Variants in PKD1L1 observed in about 807,000 individuals in gnomAD.
The protein encoded by PKD1L1 is polycystin-1-like protein 1.
Under a neutral mutation model 323.4 loss-of-function variants are expected in PKD1L1, and 236 were observed. That is an observed-to-expected ratio of 0.73 (90% CI 0.66 to 0.81). The LOEUF (loss-of-function observed/expected upper bound fraction) is 0.81. Among genes scored for constraint, PKD1L1 ranks in the 40% least tolerant of loss-of-function variants. The pLI is 0.00. For missense variants in PKD1L1, 3,320 were observed against 3,508.0 expected (o/e 0.95, Z 1.35); for synonymous variants, 1,344 against 1,335.0 (o/e 1.01, Z -0.15).
At chr7:47,808,190 T>G in intron 52 of PKD1L1, 57 bp downstream of exon 52, 1 of 1,586,718 alleles carries the variant, frequency 6.3e-7, no homozygotes, top group Non-Finnish European at 8.6e-7. Context: ...CCTCTGCCTT[T>G]TGGATGGCAT....
At position 47,885,862 on chromosome 7, in the gene PKD1L1, G is replaced by A. The variant is rs1291593643; in HGVS notation, c.3029C>T (p.Thr1010Ile). 3.1e-6 allele frequency: 5 copies of A among 1,614,110 alleles called. No individual in the cohort carries two copies. In the African/African-American group the frequency reaches 6.7e-5, roughly 22 times the overall value. ...CCAGTAGACTCCAGTCATGGGCTCT[G>A]TGGGGGTTCCCCTTGGAGCTGAAGT... ...PATSAPRGTP[T>I]EPMTGVYWIP... The change falls in exon 18 of 57, where the codon ACA becomes ATA. Residue 1010 changes from threonine (T) to isoleucine (I), a missense_variant. Physicochemically the swap from Thr to Ile is moderately conservative, Grantham distance 89. Transcript: ENST00000289672.
At chr7:47,823,535 C>A (rs1483055720) in intron 45 of PKD1L1, among the ~76,000 whole-genome samples, 1 of 152,176 alleles carries the variant, frequency 6.6e-6, no homozygotes, top group Non-Finnish European at 1.5e-5. Flanking sequence ...CTGTAAACTA[C>A]AAGTTGGCAA....
chr7:47,897,263 G>T (rs192372708), intron 14 of PKD1L1, among the ~76,000 whole-genome samples: 1 of 152,182 alleles, frequency 6.6e-6, no homozygotes, highest in Non-Finnish European at 1.5e-5. Context: ...ATAGGACTGC[G>T]TGCCCCACAG....
chr7:47,881,398 A>G (rs2128746819), intron 20 of PKD1L1, among the ~76,000 whole-genome samples: 1 of 152,324 alleles, frequency 6.6e-6, no homozygotes, highest in Admixed American at 6.5e-5. Context: ...GGGTGAAGGG[A>G]AAATTATCTA....
intron 3 of PKD1L1, among the ~76,000 whole-genome samples, chr7:47,939,717 T>C (rs1787943813): frequency 1.3e-5 from 2 of 152,334 alleles, no homozygotes; most frequent in South Asian, 4.1e-4. Flanking sequence ...TTCAGTGCTT[T>C]GGCTGCTGGA....
At chr7:47,900,655 G>C (rs537542471) in intron 13 of PKD1L1, among the ~76,000 whole-genome samples, 6 of 152,124 alleles carry the variant, frequency 3.9e-5, no homozygotes, top group African/African-American at 9.7e-5. Flanking sequence ...TTGAACCCAG[G>C]GGGTGGAGAC....
Position 47,946,367 on chromosome 7 carries a change from A to ACACACTCACACCACAC in PKD1L1, c.44+2014_44+2029dup. ...AATACCTACCACACAAACACACACC[A>ACACACTCACACCACAC]CACACTCACACCACACCACACTCAC... On this transcript the variant is annotated intron_variant, in intron 1 of 56. Transcript: ENST00000289672. The surrounding 1 kb of genome is among the most constrained non-coding windows in gnomAD (Gnocchi z 4.1). 6.6e-6 allele frequency among the ~76,000 whole-genome samples: 1 copy of ACACACTCACACCACAC among 151,258 alleles called. No individual in the cohort carries two copies. Among genetic ancestry groups the ACACACTCACACCACAC allele is most frequent in the African/African-American group, 2.4e-5 (1 of 41,006 alleles).
chr7:47,835,826 G>C (rs190933287), intron 37 of PKD1L1, among the ~76,000 whole-genome samples: 1 of 152,256 alleles, frequency 6.6e-6, no homozygotes, highest in East Asian at 1.9e-4. Flanking sequence ...TACCCCAGGA[G>C]TGAAAAAAAC....
intron 19 of PKD1L1, among the ~76,000 whole-genome samples, chr7:47,882,947 G>A (rs1029304702): frequency 7.2e-5 from 11 of 152,286 alleles, no homozygotes; most frequent in Middle Eastern, 3.4e-3. Context: ...AGAAGGAGTC[G>A]CTGCACTTCA....
intron 56 of PKD1L1, among the ~76,000 whole-genome samples, chr7:47,775,709 G>A (rs529070209): frequency 3.4e-4 from 51 of 151,782 alleles, no homozygotes; most frequent in African/African-American, 1.2e-3. Flanking sequence ...TAGCTCTTAT[G>A]TGAAAGACTA....
chr7:47,942,864 T>C (rs770862362), intron 2 of PKD1L1, among the ~76,000 whole-genome samples: 99 of 152,090 alleles, frequency 6.5e-4, no homozygotes, highest in Non-Finnish European at 1.2e-3. Context: ...TATACCATCC[T>C]GGCCAGGCGC....
intron 45 of PKD1L1, among the ~76,000 whole-genome samples, chr7:47,822,406 C>A (rs1055101238): frequency 3.4e-5 from 5 of 148,262 alleles, no homozygotes; most frequent in Non-Finnish European, 7.4e-5. Flanking sequence ...CTGGCTAACA[C>A]GGTGAAACCC....
chr7:47,815,280 T>C (rs1016013390), intron 47 of PKD1L1, 54 bp downstream of exon 47: 21 of 1,594,102 alleles, frequency 1.3e-5, no homozygotes, highest in Admixed American at 1.0e-4. Flanking sequence ...TTTCACCCAC[T>C]GCAAGATAGC....
chr7:47,900,333 A>C (rs1787058056), intron 13 of PKD1L1, among the ~76,000 whole-genome samples: 1 of 152,224 alleles, frequency 6.6e-6, no homozygotes, highest in Non-Finnish European at 1.5e-5. Context: ...ATTCTGGGAA[A>C]GGCATTGTGT....
intron 12 of PKD1L1, among the ~76,000 whole-genome samples, chr7:47,903,258 A>G (rs1787129909): frequency 6.6e-6 from 1 of 152,216 alleles, no homozygotes; most frequent in South Asian, 2.1e-4. Flanking sequence ...GCCATCCTGG[A>G]GCTCCAGCAA....
intron 26 of PKD1L1, among the ~76,000 whole-genome samples, chr7:47,860,134 T>C (rs1785994202): frequency 6.6e-6 from 1 of 152,246 alleles, no homozygotes; most frequent in African/African-American, 2.4e-5. Context: ...CTTTAGTGTG[T>C]AGTGCTGATA....
chr7:47,937,240 G>A (rs1787885731), intron 3 of PKD1L1, among the ~76,000 whole-genome samples: 1 of 131,050 alleles, frequency 7.6e-6, no homozygotes, highest in Non-Finnish European at 1.6e-5. Flanking sequence ...ATTCGTGCGG[G>A]GTCGGGACGG....
chr7:47,887,946 G>A (rs756621748), intron 17 of PKD1L1, 44 bp downstream of exon 17: 1 of 1,568,304 alleles, frequency 6.4e-7, no homozygotes, highest in Non-Finnish European at 8.7e-7. Flanking sequence ...ATAACCCTGA[G>A]TTTTTCCCTC....
intron 52 of PKD1L1, among the ~76,000 whole-genome samples, chr7:47,805,895 T>A (rs543530609): frequency 6.6e-6 from 1 of 152,290 alleles, no homozygotes; most frequent in African/African-American, 2.4e-5. Context: ...CACGTGATTA[T>A]ATAGAATTTA....
Sources: allele counts gnomAD v4.1 joint callset (sites outside exome capture counted in the v4.1 genomes callset), GRCh38; gene constraint gnomAD v4.1.1; non-coding constraint Gnocchi (gnomAD v3.1); transcripts MANE v1.5; gene names NCBI Gene and HGNC (gene_info 2026-07-23, HGNC 2026-07-21).